TMEM232: variants seen among roughly 807,000 people sequenced by gnomAD.
TMEM232 encodes the protein transmembrane protein 232.
A neutral mutation model predicts 78.8 loss-of-function variants in TMEM232; 80 were observed. That is an observed-to-expected ratio of 1.01 (90% CI 0.85 to 1.22). The LOEUF (loss-of-function observed/expected upper bound fraction) is 1.22. TMEM232 is among the 50% of genes most tolerant of loss of function. The pLI is 0.00. For synonymous variants in TMEM232, 297 were observed against 254.3 expected (o/e 1.17, Z -1.60); for missense variants, 881 against 742.2 (o/e 1.19, Z -2.17).
At chr5:110,452,064 C>CTTACT (rs1451757557) in intron 12 of TMEM232, among the ~76,000 whole-genome samples, 1 of 152,088 alleles carries the variant, frequency 6.6e-6, no homozygotes, top group Non-Finnish European at 1.5e-5. Flanking sequence ...TTTTTCCCAT[C>CTTACT]TTACTTCTAA....
At chr5:110,735,199 A>C (rs1799035634) in intron 1 of TMEM232, among the ~76,000 whole-genome samples, 1 of 152,244 alleles carries the variant, frequency 6.6e-6, no homozygotes, top group African/African-American at 2.4e-5. Context: ...AAATGTTAAC[A>C]TAAATGAATG....
At chr5:110,638,472 T>G (rs781496512) in intron 4 of TMEM232, 117 bp from the exon 5 acceptor site, 140 of 1,009,992 alleles carry the variant, frequency 1.4e-4, no homozygotes, top group Non-Finnish European at 1.9e-4. Context: ...AGTTTTAAAA[T>G]ATATTTACAA....
chr5:110,464,629 C>G (rs1040816572), intron 12 of TMEM232, among the ~76,000 whole-genome samples: 43 of 152,132 alleles, frequency 2.8e-4, no homozygotes, highest in African/African-American at 9.9e-4. Flanking sequence ...AAAATGTCAT[C>G]TTTATATAAC....
At chr5:110,448,414 A>C (rs1759898947) in intron 12 of TMEM232, among the ~76,000 whole-genome samples, 1 of 152,074 alleles carries the variant, frequency 6.6e-6, no homozygotes, top group African/African-American at 2.4e-5. Context: ...TTTAAGAGCA[A>C]CAATCTGTTA....
intron 12 of TMEM232, among the ~76,000 whole-genome samples, chr5:110,442,921 T>A (rs1488716674): frequency 6.6e-6 from 1 of 152,160 alleles, no homozygotes; most frequent in Non-Finnish European, 1.5e-5. Flanking sequence ...CTCCTTACTT[T>A]CTTCCCAACA....
At chr5:110,547,322 G>A (rs1361689625) in intron 11 of TMEM232, among the ~76,000 whole-genome samples, 2 of 152,132 alleles carry the variant, frequency 1.3e-5, no homozygotes, top group African/African-American at 2.4e-5. Flanking sequence ...AGAAATTTTA[G>A]CTGTGAAACT....
intron 12 of TMEM232, among the ~76,000 whole-genome samples, chr5:110,433,689 T>G (rs1312885973): frequency 6.6e-6 from 1 of 152,102 alleles, no homozygotes; most frequent in Non-Finnish European, 1.5e-5. Flanking sequence ...GAAGAGATGT[T>G]GGATTTTATC....
intron 12 of TMEM232, among the ~76,000 whole-genome samples, chr5:110,505,672 T>G (rs1328592967): frequency 6.6e-6 from 1 of 151,788 alleles, no homozygotes; most frequent in Non-Finnish European, 1.5e-5. Flanking sequence ...ACGCCCTAAT[T>G]TTTTTTGTGT....
At chr5:110,413,385 G>C (rs1756069213) in intron 2 of TMEM232, among the ~76,000 whole-genome samples, 1 of 152,172 alleles carries the variant, frequency 6.6e-6, no homozygotes, top group South Asian at 2.1e-4. Context: ...CTACTTTTGA[G>C]GTTTTGAGAC....
downstream of TMEM232, among the ~76,000 whole-genome samples, chr5:110,419,476 TA>T (rs1027894084): frequency 6.6e-6 from 1 of 152,176 alleles, no homozygotes; most frequent in Admixed American, 6.5e-5. Context: ...AATATGCTAT[TA>T]AAAAATTAGT....
In TMEM232 at chr5:110,605,303, T is replaced by C; in HGVS notation, c.1082A>G (p.Tyr361Cys). 1.3e-6 allele frequency: 2 copies of C among 1,551,368 alleles called. No homozygotes were observed. The highest frequency in any genetic ancestry group is 8.7e-7 in the Non-Finnish European group (1 of 1,146,742). The change falls in exon 10 of 14, where the codon TAT (tyrosine) becomes TGT (cysteine). Residue 361 changes from tyrosine (Y) to cysteine (C), a missense_variant. Coordinates refer to ENST00000455884, the MANE Select transcript of TMEM232 (RefSeq NM_001039763.4). ...FSWAWNVVYI[Y>C]TVILAEICLY... ...GCAGATTTCTGCAAGAATTACTGTA[T>C]ATATGTAGACTACATTCCAGGCCCA...
intron 11 of TMEM232, among the ~76,000 whole-genome samples, chr5:110,537,500 C>G (rs1215731269): frequency 6.6e-6 from 1 of 152,110 alleles, no homozygotes; most frequent in South Asian, 2.1e-4. Flanking sequence ...AGAACCAGCC[C>G]CCCAAGGGAA....
intron 2 of TMEM232, among the ~76,000 whole-genome samples, chr5:110,647,090 C>T (rs998942435): frequency 7.2e-5 from 11 of 151,870 alleles, no homozygotes; most frequent in African/African-American, 1.2e-4. Flanking sequence ...AATTTGCCTA[C>T]ACGAAAGTGC....
At chr5:110,639,969 C>T (rs1786433435) in intron 4 of TMEM232, among the ~76,000 whole-genome samples, 2 of 152,218 alleles carry the variant, frequency 1.3e-5, no homozygotes, top group African/African-American at 2.4e-5. Flanking sequence ...AGACTGGTAC[C>T]AGTTCATGGT....
At chr5:110,418,880 A>T (rs1228376228), downstream of TMEM232, among the ~76,000 whole-genome samples, 1 of 152,168 alleles carries the variant, frequency 6.6e-6, no homozygotes, top group Non-Finnish European at 1.5e-5. Flanking sequence ...TAGCAGTTAG[A>T]TCTCCAGAGT....
chr5:110,514,372 T>C (rs933564603), intron 12 of TMEM232, among the ~76,000 whole-genome samples: 3 of 150,246 alleles, frequency 2.0e-5, no homozygotes, highest in Non-Finnish European at 4.4e-5. Flanking sequence ...CTTCCACTTA[T>C]TATTTATCAC....
chr5:110,597,482 G>A lies in TMEM232; in HGVS notation c.1276+7627C>T, dbSNP rs367980176. 1.5e-4 allele frequency among the ~76,000 whole-genome samples: 23 copies of A among 152,134 alleles called. 1 individual carries two copies. The highest frequency in any genetic ancestry group is 4.1e-4 in the African/African-American group (17 of 41,510). On this transcript the variant is annotated intron_variant, in intron 10 of 13. Coordinates refer to ENST00000455884, the MANE Select transcript of TMEM232 (RefSeq NM_001039763.4). ...CAATGCCATCCCCATCAAGCTACCA[G>A]TGACTTTCTTCACAGAATTGGAAAA...
chr5:110,537,330 G>A (rs1772517013), intron 11 of TMEM232, among the ~76,000 whole-genome samples: 1 of 151,264 alleles, frequency 6.6e-6, no homozygotes, highest in Non-Finnish European at 1.5e-5. Flanking sequence ...CCAATTATGA[G>A]CTGCCCAGCC....
Position 110,420,610 on chromosome 5 carries a change from A to T in TMEM232, c.1944T>A (p.Tyr648Ter). The T allele has an allele frequency of 6.7e-7, 1 of 1,491,324 alleles. No homozygotes were observed. Among genetic ancestry groups the T allele is most frequent in the Non-Finnish European group, 8.8e-7 (1 of 1,133,416 alleles). The allele number at this position is 1,491,324 out of a possible 1,614,324, so 92.4% of individuals were successfully genotyped here. The part of the protein sequence containing the change: ...EEKLHKQTKP[Y>*]ELPYRKEVI ...TTACTTCCTTCCTATAAGGAAGTTC[A>T]TAGGGCTTGGTTTGCTTATGTAGTT... The change falls in exon 14 of 14, where the codon TAT (tyrosine) becomes TAA (stop). Residue 648 changes from tyrosine to a stop codon, truncating the protein, a stop_gained. Coordinates refer to ENST00000455884, the MANE Select transcript of TMEM232 (RefSeq NM_001039763.4). LOFTEE classifies it high-confidence loss of function.
Sources: gnomAD v4.1 joint callset for allele counts (sites outside exome capture counted in the v4.1 genomes callset) on GRCh38, gnomAD v4.1.1 for gene constraint, MANE v1.5 for transcripts, NCBI Gene and HGNC (gene_info 2026-07-23, HGNC 2026-07-21) for gene names.